The following STOX1 variants were observed in gnomAD, a reference collection of about 807,000 sequenced individuals.
STOX1 encodes storkhead box 1, also known as storkhead-box protein 1.
In STOX1, 57 loss-of-function variants were observed where a neutral mutation model predicts 74.8. The observed-to-expected ratio is 0.76, with a 90% CI of 0.62 to 0.95. The LOEUF is 0.95. Ranked by LOEUF, STOX1 falls within the 40% of genes least tolerant of loss-of-function variation. The pLI is 0.00. For missense variants in STOX1, 1,010 were observed against 1,117.0 expected, an observed-to-expected ratio of 0.90 and a Z score of 1.37; for synonymous variants, 375 against 401.3, an observed-to-expected ratio of 0.93 and a Z score of 0.78.
At chr10:68,854,597 C>T (rs1301175483) in intron 1 of STOX1, among the ~76,000 whole-genome samples, 2 of 152,070 alleles carry the variant, frequency 1.3e-5, no homozygotes, top group Admixed American at 1.3e-4. Flanking sequence ...TCCACCTGGC[C>T]CATACCACCT....
rs1302651028 is a variant in STOX1, at chr10:68,827,607, C to T, written c.-17C>T. 3.5e-6 allele frequency: 4 copies of T among 1,140,844 alleles called. No individual in the cohort carries two copies. The highest frequency in any genetic ancestry group is 4.3e-6 in the Non-Finnish European group (4 of 929,714). 70.7% of individuals were successfully genotyped at this position (1,140,844 alleles called of 1,614,324 possible). On this transcript the variant is annotated 5_prime_UTR_variant, in exon 1 of 4. Transcript: ENST00000298596. ...GCCGAGGCCCTGCGTTGCGGGCTCCCGGCCGCCGGCGAAAGCATGGCCCGG... is the reference window on the plus strand; with the variant it reads ...GCCGAGGCCCTGCGTTGCGGGCTCCTGGCCGCCGGCGAAAGCATGGCCCGG...
chr10:68,846,119 T>TTTATTATTATTATTA lies in STOX1; in HGVS notation c.310+18216_310+18230dup, dbSNP rs201726154. Among the ~76,000 whole-genome samples the TTTATTATTATTATTA allele has an allele frequency of 6.5e-3, 879 of 135,814 alleles. 6 individuals are homozygous for TTTATTATTATTATTA. Among genetic ancestry groups the TTTATTATTATTATTA allele is most frequent in the Middle Eastern group, 0.012 (3 of 260 alleles). 89.1% of individuals were successfully genotyped at this position (135,814 alleles called of 152,430 possible). The stretch of plus-strand genomic sequence containing the variant: ...GTGGTACAAGTTATGGCTTGAGGTT[T>TTTATTATTATTATTA]TTATTATTATTATTATTATTATTAT... On this transcript the variant is annotated intron_variant, in intron 1 of 3. Transcript: ENST00000298596.
intron 1 of STOX1, among the ~76,000 whole-genome samples, chr10:68,857,248 T>G: frequency 6.6e-6 from 1 of 152,198 alleles, no homozygotes; most frequent in Middle Eastern, 3.4e-3. Flanking sequence ...CCAGCCGTAG[T>G]GGTCAGACAC....
chr10:68,849,171 T>C (rs944507069), intron 1 of STOX1, among the ~76,000 whole-genome samples: 3 of 152,220 alleles, frequency 2.0e-5, no homozygotes, highest in African/African-American at 7.2e-5. Flanking sequence ...GACTACATTC[T>C]TGTAGCTCAG....
chr10:68,833,469 C>T (rs920715495), intron 1 of STOX1, among the ~76,000 whole-genome samples: 9 of 152,038 alleles, frequency 5.9e-5, no homozygotes, highest in Admixed American at 2.0e-4. Flanking sequence ...CTGAGCTCCC[C>T]GAGTGAGCAA....
chr10:68,872,004 CT>C (rs796440394), intron 1 of STOX1, among the ~76,000 whole-genome samples: 1 of 151,472 alleles, frequency 6.6e-6, no homozygotes, highest in East Asian at 1.9e-4. Context: ...ACAAAACATC[CT>C]TTTTTTTTAA....
intron 1 of STOX1, chr10:68,828,375 C>T: frequency 1.1e-6 from 1 of 912,106 alleles, no homozygotes; most frequent in Non-Finnish European, 1.4e-6. Flanking sequence ...AGAGGCTAGG[C>T]GCTGCTCTGA....
At chr10:68,873,657 TTTTTTTTTC>T (rs1564583328) in intron 1 of STOX1, among the ~76,000 whole-genome samples, 1 of 137,282 alleles carries the variant, frequency 7.3e-6, no homozygotes, top group Non-Finnish European at 1.6e-5. Context: ...TTTTCTTTTT[TTTTTTTTTC>T]TTTTTTTTGA....
intron 1 of STOX1, among the ~76,000 whole-genome samples, chr10:68,836,103 C>G (rs183742317): frequency 1.1e-3 from 165 of 152,328 alleles, no homozygotes; most frequent in African/African-American, 3.9e-3. Flanking sequence ...GTCTCCTGAC[C>G]TTGTGATCCA....
chr10:68,836,528 T>G (rs1476135227), intron 1 of STOX1, among the ~76,000 whole-genome samples: 1 of 152,230 alleles, frequency 6.6e-6, no homozygotes. Context: ...TGTCCTGTCC[T>G]TTGTGCTTAG....
At chr10:68,854,236 C>T (rs930998325) in intron 1 of STOX1, among the ~76,000 whole-genome samples, 2 of 151,716 alleles carry the variant, frequency 1.3e-5, no homozygotes, top group African/African-American at 2.4e-5. Flanking sequence ...TTCAGGTGAT[C>T]CACCCGCCTT....
At chr10:68,842,005 G>T (rs1403287179) in intron 1 of STOX1, among the ~76,000 whole-genome samples, 1 of 121,066 alleles carries the variant, frequency 8.3e-6, no homozygotes, top group Non-Finnish European at 2.0e-5. Flanking sequence ...ACCCAGGGAG[G>T]TGTGTGTGTT....
At chr10:68,856,806 C>G (rs1840136911) in intron 1 of STOX1, among the ~76,000 whole-genome samples, 1 of 152,116 alleles carries the variant, frequency 6.6e-6, no homozygotes, top group Admixed American at 6.5e-5. Context: ...AAGCTCATCT[C>G]TAAGAATTTC....
At chr10:68,860,656 A>G (rs1412796141) in intron 1 of STOX1, among the ~76,000 whole-genome samples, 8 of 150,770 alleles carry the variant, frequency 5.3e-5, no homozygotes, top group Admixed American at 5.3e-4. Context: ...ATTGAGCATG[A>G]TGCTTTCCTG....
chr10:68,827,557 G>T lies in STOX1; in HGVS notation c.-67G>T. The T allele has an allele frequency of 9.7e-7, 1 of 1,032,054 alleles. No homozygotes were observed. The highest frequency in any genetic ancestry group is 1.2e-6 in the Non-Finnish European group (1 of 844,002). The allele number at this position is 1,032,054 out of a possible 1,614,324, so 63.9% of individuals were successfully genotyped here. A position where few individuals can be genotyped will look rare whatever the true frequency, so the allele number is the denominator to read the frequency against. On this transcript the variant is annotated 5_prime_UTR_variant, in exon 1 of 4. Transcript: ENST00000298596. Reference sequence around the variant, plus strand: ...CAGTCGGCCGATCCTCCCGCCGAGCGAGCGGCGTCGTAGCCGCCGCGCTCG... The same window carrying T: ...CAGTCGGCCGATCCTCCCGCCGAGCTAGCGGCGTCGTAGCCGCCGCGCTCG...
intron 1 of STOX1, chr10:68,828,401 G>T (rs1839321214): frequency 2.8e-6 from 2 of 710,464 alleles, no homozygotes; most frequent in Non-Finnish European, 1.8e-6. Context: ...CGGGGGCTGC[G>T]GTTGGGCGGC....
At position 68,874,098 on chromosome 10, in the gene STOX1, AAAGT is replaced by A. The variant is rs557974440; in HGVS notation, c.311-7853_311-7850del. Among the ~76,000 whole-genome samples, 527 of 132,466 alleles carry A rather than the reference AAAGT, an allele frequency of 4.0e-3. 3 individuals are homozygous for A. The highest frequency in any genetic ancestry group is 0.014 in the African/African-American group (490 of 34,692). 86.9% of individuals were successfully genotyped at this position (132,466 alleles called of 152,430 possible). On this transcript the variant is annotated intron_variant, in intron 1 of 3. Transcript: ENST00000298596. Reference sequence around the variant, plus strand: ...TTTTTCTTTTGCTACCTAGTCCTAAAAAGTAAGTAACTTATTAAAAAGGCAGTAA... The same window carrying A: ...TTTTTCTTTTGCTACCTAGTCCTAAAAAGTAACTTATTAAAAAGGCAGTAA...
intron 1 of STOX1, among the ~76,000 whole-genome samples, chr10:68,863,261 T>C (rs1564579197): frequency 6.6e-6 from 1 of 152,116 alleles, no homozygotes; most frequent in Non-Finnish European, 1.5e-5. Flanking sequence ...TTGTTCTCTG[T>C]GTCAGCCCTT....
chr10:68,852,517 C>G (rs1840014181), intron 1 of STOX1, among the ~76,000 whole-genome samples: 1 of 151,848 alleles, frequency 6.6e-6, no homozygotes, highest in Non-Finnish European at 1.5e-5. Flanking sequence ...CTCGGCCTCC[C>G]AAAGTGCTGG....
Sources: gnomAD v4.1 joint callset for allele counts (sites outside exome capture counted in the v4.1 genomes callset) on GRCh38, gnomAD v4.1.1 for gene constraint, MANE v1.5 for transcripts, NCBI Gene and HGNC (gene_info 2026-07-23, HGNC 2026-07-21) for gene names.